Variants in MARCHF1 observed in about 807,000 individuals in gnomAD.
MARCHF1 encodes the protein membrane associated ring-CH-type finger 1.
Under a neutral mutation model 54.2 loss-of-function variants are expected in MARCHF1, and 40 were observed. The ratio of observed to expected loss-of-function variants is 0.74; its 90% CI spans 0.57 to 0.96. The LOEUF (loss-of-function observed/expected upper bound fraction) is 0.96, where lower values mean the gene tolerates loss of function less well. MARCHF1 is among the 40% of genes least tolerant of loss of function. MARCHF1 has a pLI of 0.00. For synonymous variants in MARCHF1, 236 were observed against 236.3 expected (o/e 1.00, Z 0.01); for missense variants, 586 against 656.5 (o/e 0.89, Z 1.17).
chr4:164,069,482 G>A (rs1754813654), intron 2 of MARCHF1, among the ~76,000 whole-genome samples: 1 of 152,126 alleles, frequency 6.6e-6, no homozygotes, highest in Non-Finnish European at 1.5e-5. Context: ...CCCTGCTGAA[G>A]CCAGTGAGAC....
intron 9 of MARCHF1, among the ~76,000 whole-genome samples, chr4:163,534,114 C>T (rs968093595): frequency 6.6e-6 from 1 of 151,988 alleles, no homozygotes; most frequent in Non-Finnish European, 1.5e-5. Context: ...GTTTAGAGTG[C>T]CGCGCTCTTT....
intron 2 of MARCHF1, among the ~76,000 whole-genome samples, chr4:163,994,722 G>A (rs1267184115): frequency 7.2e-6 from 1 of 137,978 alleles, no homozygotes; most frequent in Non-Finnish European, 1.5e-5. Context: ...GGACCTAACA[G>A]TCCTAATCAA....
In MARCHF1 at chr4:163,528,200, G is replaced by A. The variant is rs566582265; in HGVS notation, c.*548C>T. The A allele has an allele frequency of 6.6e-6, 1 of 152,592 alleles. No individual in the cohort carries two copies. Among genetic ancestry groups the A allele is most frequent in the East Asian group, 1.9e-4 (1 of 5,180 alleles). The allele number at this position is 152,592 out of a possible 1,614,324, so 9.5% of individuals were successfully genotyped here. A position where few individuals can be genotyped will look rare whatever the true frequency, so the allele number is the denominator to read the frequency against. On this transcript the variant is annotated 3_prime_UTR_variant, in exon 10 of 10. Transcript: ENST00000514618. ...AAACATGCATCTGTCAAAATAACCA[G>A]ACTCCACTAAACCATACAAATCTGT...
chr4:164,166,292 C>T (rs1730377875), intron 1 of MARCHF1, among the ~76,000 whole-genome samples: 1 of 151,988 alleles, frequency 6.6e-6, no homozygotes, highest in Non-Finnish European at 1.5e-5. Context: ...TGACCTTGTT[C>T]AGTCTAATAA....
chr4:164,086,448 A>T (rs1048196568), intron 2 of MARCHF1, among the ~76,000 whole-genome samples: 9 of 151,992 alleles, frequency 5.9e-5, no homozygotes, highest in Admixed American at 5.2e-4. Context: ...ATAAATTTCA[A>T]GTTTCATCAC....
chr4:164,195,565 T>C (rs1055104278), intron 1 of MARCHF1, among the ~76,000 whole-genome samples: 1 of 152,212 alleles, frequency 6.6e-6, no homozygotes, highest in Admixed American at 6.5e-5. Context: ...GATTACTATC[T>C]GTGCCCTCAT....
intron 5 of MARCHF1, among the ~76,000 whole-genome samples, chr4:163,648,603 C>T (rs1480168651): frequency 8.3e-6 from 1 of 120,998 alleles, no homozygotes; most frequent in Non-Finnish European, 1.6e-5. Context: ...CAAATTATAG[C>T]CCATGAGCTA....
chr4:164,066,561 T>C (rs1013989552), intron 2 of MARCHF1, among the ~76,000 whole-genome samples: 1 of 152,118 alleles, frequency 6.6e-6, no homozygotes, highest in Non-Finnish European at 1.5e-5. Flanking sequence ...TAAAGACACA[T>C]GTATGTGCAT....
At chr4:163,843,562 T>C (rs1020176712) in intron 4 of MARCHF1, among the ~76,000 whole-genome samples, 1 of 151,992 alleles carries the variant, frequency 6.6e-6, no homozygotes, top group Non-Finnish European at 1.5e-5. Flanking sequence ...AGTTCCAGGG[T>C]ACATGTGCAG....
At chr4:163,818,285 G>T (rs542354836) in intron 4 of MARCHF1, among the ~76,000 whole-genome samples, 6 of 151,486 alleles carry the variant, frequency 4.0e-5, no homozygotes, top group African/African-American at 7.3e-5. Context: ...AAGTTCCCGG[G>T]TATACCTACA....
At chr4:163,767,115 A>G (rs1747001309) in intron 4 of MARCHF1, among the ~76,000 whole-genome samples, 1 of 151,550 alleles carries the variant, frequency 6.6e-6, no homozygotes, top group South Asian at 2.1e-4. Flanking sequence ...AAAAAAAAAA[A>G]AAAAAGTCTT....
At position 163,527,168 on chromosome 4, in the gene MARCHF1, T is replaced by TATCTA. The variant is rs1553988639; in HGVS notation, c.*1575_*1579dup. 2.0e-5 allele frequency: 3 copies of TATCTA among 152,068 alleles called. No individual in the cohort carries two copies. The highest frequency in any genetic ancestry group is 2.9e-5 in the Non-Finnish European group (2 of 67,950). The allele number at this position is 152,068 out of a possible 1,614,324, so 9.4% of individuals were successfully genotyped here. A position where few individuals can be genotyped will look rare whatever the true frequency, so the allele number is the denominator to read the frequency against. ...GACATCTTTCTTTGACAGGCTACTG[T>TATCTA]ATCTATAATCACCGTTAATCTAGCT... On this transcript the variant is annotated 3_prime_UTR_variant, in exon 10 of 10. Transcript: ENST00000514618.
rs144836431 is a variant in MARCHF1 at position 163,667,386 on chromosome 4, GACA to G, written c.162+33424_162+33426del. ...TTTTTTCCCTTACAGTGATATCTTC[GACA>G]ACAACAAAAATACCATATATATTAG... On this transcript the variant is annotated intron_variant, in intron 5 of 9. Coordinates refer to ENST00000514618, the MANE Select transcript of MARCHF1 (RefSeq NM_001394959.1). Among the ~76,000 whole-genome samples the G allele has an allele frequency of 9.0e-3, 1,374 of 151,860 alleles. 24 individuals are homozygous for G. The highest frequency in any genetic ancestry group is 0.032 in the African/African-American group (1,308 of 41,396).
intron 3 of MARCHF1, among the ~76,000 whole-genome samples, chr4:163,871,612 T>TA (rs994425224): frequency 1.7e-4 from 26 of 152,160 alleles, no homozygotes; most frequent in Non-Finnish European, 3.4e-4. Flanking sequence ...AATCTTAAAA[T>TA]AAATACATCG....
chr4:163,873,867 A>ATG (rs1428163762), intron 3 of MARCHF1, among the ~76,000 whole-genome samples: 3 of 152,116 alleles, frequency 2.0e-5, no homozygotes, highest in African/African-American at 7.2e-5. Context: ...GTTTACCCTC[A>ATG]TGTGTGCTAC....
chr4:164,276,868 A>G (rs1217556495), intron 1 of MARCHF1, among the ~76,000 whole-genome samples: 1 of 104,392 alleles, frequency 9.6e-6, no homozygotes, highest in Non-Finnish European at 2.4e-5. Flanking sequence ...ATGTTTATAT[A>G]TTACATACAT....
rs1302182459 is a variant in MARCHF1 at position 163,700,786 on chromosome 4, A to C, written c.162+27T>G. 2.0e-6 allele frequency: 3 copies of C among 1,525,506 alleles called. No individual in the cohort carries two copies. The African/African-American group carries it at 4.1e-5, about 21-fold the overall frequency. The allele number at this position is 1,525,506 out of a possible 1,614,324, so 94.5% of individuals were successfully genotyped here. On this transcript the variant is annotated intron_variant, in intron 5 of 9. Coordinates refer to ENST00000514618, the MANE Select transcript of MARCHF1 (RefSeq NM_001394959.1). ...GAACTCATGAAGTGCAGAAGTCAAC[A>C]AACAAGAAAATGAGTACTTCACCTA...
chr4:164,310,396 G>A (rs1286555154), intron 1 of MARCHF1, among the ~76,000 whole-genome samples: 2 of 151,896 alleles, frequency 1.3e-5, no homozygotes, highest in African/African-American at 4.8e-5. Flanking sequence ...TTTTGATGGA[G>A]GCATTCAGTG....
chr4:163,572,329 T>TG (rs1739866898), intron 8 of MARCHF1, among the ~76,000 whole-genome samples: 1 of 151,564 alleles, frequency 6.6e-6, no homozygotes, highest in Non-Finnish European at 1.5e-5. Context: ...CTTTTTTTTT[T>TG]TTTTTAAATA....
Sources: allele counts gnomAD v4.1 joint callset (sites outside exome capture counted in the v4.1 genomes callset), GRCh38; gene constraint gnomAD v4.1.1; transcripts MANE v1.5; gene names NCBI Gene and HGNC (gene_info 2026-07-23, HGNC 2026-07-21).